The following DAB1 variants were observed in gnomAD, a reference collection of about 807,000 sequenced individuals.
The protein encoded by DAB1 is disabled homolog 1.
DAB1 carries 15 observed loss-of-function variants against 64.6 expected under a neutral mutation model. That is an observed-to-expected ratio of 0.23 (90% CI 0.16 to 0.36). The LOEUF (loss-of-function observed/expected upper bound fraction) is 0.36, where lower values mean the gene tolerates loss of function less well. Ranked by LOEUF, DAB1 falls within the 10% of genes least tolerant of loss-of-function variation. The pLI, the probability that DAB1 is intolerant of heterozygous loss-of-function variation, is 1.00. For synonymous variants in DAB1, 235 were observed against 251.9 expected (o/e 0.93, Z 0.64); for missense variants, 596 against 706.7 (o/e 0.84, Z 1.78).
At chr1:57,976,264 T>C (rs1233060733) in intron 5 of DAB1, among the ~76,000 whole-genome samples, 2 of 152,186 alleles carry the variant, frequency 1.3e-5, no homozygotes, top group South Asian at 2.1e-4. Context: ...TAGAAAGCAG[T>C]GCACCACTCA....
chr1:58,465,522 AG>A (rs1313052158), intron 3 of DAB1, among the ~76,000 whole-genome samples: 7 of 152,356 alleles, frequency 4.6e-5, no homozygotes, highest in African/African-American at 1.7e-4. Context: ...GGCTCAGAGG[AG>A]GACCCCAAAC....
chr1:58,462,061 G>T (rs566870106), intron 3 of DAB1, among the ~76,000 whole-genome samples: 1 of 151,784 alleles, frequency 6.6e-6, no homozygotes, highest in Non-Finnish European at 1.5e-5. Flanking sequence ...AAGGACTCAG[G>T]GGGGTAATTG....
intron 5 of DAB1, among the ~76,000 whole-genome samples, chr1:58,093,866 C>T (rs1234760735): frequency 6.6e-6 from 1 of 152,118 alleles, no homozygotes; most frequent in Non-Finnish European, 1.5e-5. Context: ...CTGGGGAACC[C>T]TCTCCTGGCC....
chr1:57,258,335 C>A (rs1437080598), intron 2 of DAB1, among the ~76,000 whole-genome samples: 1 of 152,130 alleles, frequency 6.6e-6, no homozygotes. Context: ...CCAGTAATTC[C>A]TGACTTTCAA....
At chr1:58,039,706 G>A (rs6663542) in intron 5 of DAB1, among the ~76,000 whole-genome samples, 11,150 of 152,008 alleles carry the variant, frequency 0.073, 1,256 homozygotes, top group African/African-American at 0.24. Flanking sequence ...AGTGTGGCCC[G>A]GTAGTGAAGA....
intron 1 of DAB1, among the ~76,000 whole-genome samples, chr1:57,388,928 C>A (rs1682111942): frequency 6.6e-6 from 1 of 152,256 alleles, no homozygotes; most frequent in Non-Finnish European, 1.5e-5. Flanking sequence ...TCTGCATGGC[C>A]TCTTCTTTCA....
At chr1:58,436,614 G>A (rs963730433) in intron 3 of DAB1, among the ~76,000 whole-genome samples, 1 of 152,126 alleles carries the variant, frequency 6.6e-6, no homozygotes, top group African/African-American at 2.4e-5. Context: ...AAAACAAGTC[G>A]TTAACACCAA....
intron 6 of DAB1, among the ~76,000 whole-genome samples, chr1:57,814,642 A>T (rs1302196542): frequency 3.3e-5 from 5 of 152,216 alleles, no homozygotes; most frequent in Non-Finnish European, 5.9e-5. Flanking sequence ...CAACAAATAG[A>T]TGGAGACAAG....
intron 5 of DAB1, among the ~76,000 whole-genome samples, chr1:58,108,456 G>C (rs1236211762): frequency 6.6e-6 from 1 of 152,204 alleles, no homozygotes; most frequent in Non-Finnish European, 1.5e-5. Context: ...GATGAAGCCA[G>C]GTACTCGACT....
intron 5 of DAB1, among the ~76,000 whole-genome samples, chr1:57,955,498 G>T (rs1046234432): frequency 6.7e-6 from 1 of 148,622 alleles, no homozygotes; most frequent in African/African-American, 2.5e-5. Flanking sequence ...GTAGTGTCTT[G>T]AGTGTCTTGT....
intron 4 of DAB1, among the ~76,000 whole-genome samples, chr1:58,325,572 CTATTTA>C (rs1662803474): frequency 6.6e-6 from 1 of 152,120 alleles, no homozygotes; most frequent in South Asian, 2.1e-4. Context: ...CTGCCCATTT[CTATTTA>C]TAAGACTTGA....
At chr1:58,319,306 C>T (rs1337969177) in intron 4 of DAB1, among the ~76,000 whole-genome samples, 1 of 152,158 alleles carries the variant, frequency 6.6e-6, no homozygotes, top group Non-Finnish European at 1.5e-5. Context: ...ATTTTAGTCT[C>T]AAATTACTTT....
chr1:57,597,371 A>T (rs1570659911), intron 7 of DAB1, among the ~76,000 whole-genome samples: 1 of 152,332 alleles, frequency 6.6e-6, no homozygotes, highest in African/African-American at 2.4e-5. Context: ...CCAGGGGAAA[A>T]ATTCCCTTCC....
chr1:57,755,434 A>G (rs956371989), intron 6 of DAB1, among the ~76,000 whole-genome samples: 4 of 152,200 alleles, frequency 2.6e-5, no homozygotes, highest in African/African-American at 9.6e-5. Context: ...TTCATTCAAT[A>G]AGAATTTATT....
At chr1:58,074,558 A>ATATACATATATATG (rs1170950120) in intron 5 of DAB1, 12 of 57,592 alleles carry the variant, frequency 2.1e-4, no homozygotes, top group African/African-American at 6.5e-4. Context: ...ACATATATAT[A>ATATACATATATATG]TGTGTGTATA....
chr1:57,611,106 T>C (rs1419861856), intron 7 of DAB1, among the ~76,000 whole-genome samples: 1 of 151,488 alleles, frequency 6.6e-6, no homozygotes, highest in Non-Finnish European at 1.5e-5. Flanking sequence ...TGCTCAGCTA[T>C]CTCACTGTTG....
At chr1:57,777,082 G>A (rs1255504195) in intron 6 of DAB1, among the ~76,000 whole-genome samples, 1 of 140,980 alleles carries the variant, frequency 7.1e-6, no homozygotes, top group East Asian at 2.1e-4. Context: ...AGGATACTAG[G>A]TTGACAGCTT....
intron 6 of DAB1, among the ~76,000 whole-genome samples, chr1:57,683,337 T>C (rs1189954429): frequency 6.6e-6 from 1 of 152,144 alleles, no homozygotes; most frequent in Non-Finnish European, 1.5e-5. Context: ...GTGTCAGTGA[T>C]GGGAGGGGGC....
intron 7 of DAB1, among the ~76,000 whole-genome samples, chr1:57,431,062 G>A (rs75022703): frequency 0.036 from 5,388 of 147,950 alleles, 313 homozygotes; most frequent in African/African-American, 0.13. Context: ...ATGTGAAGAG[G>A]ACTTCATGAA....
Sources: gnomAD v4.1 joint callset for allele counts (sites outside exome capture counted in the v4.1 genomes callset) on GRCh38, gnomAD v4.1.1 for gene constraint, MANE v1.5 for transcripts, NCBI Gene and HGNC (gene_info 2026-07-23, HGNC 2026-07-21) for gene names.